The following ARL1 variants were observed in gnomAD, a reference collection of about 807,000 sequenced individuals.
The protein encoded by ARL1 is ADP-ribosylation factor-like protein 1.
In ARL1, 17 loss-of-function variants were observed where a neutral mutation model predicts 30.1. The ratio of observed to expected loss-of-function variants is 0.56; its 90% confidence interval spans 0.39 to 0.85. ARL1 has a LOEUF of 0.85. ARL1 is among the 40% of genes least tolerant of loss of function. The probability of loss-of-function intolerance (pLI) is 0.00; values close to 1 mark genes in which losing one functional copy is unlikely to be tolerated. For synonymous variants in ARL1, 58 were observed against 71.7 expected, an observed-to-expected ratio of 0.81 and a Z score of 0.97; for missense variants, 102 against 212.6, an observed-to-expected ratio of 0.48 and a Z score of 3.24.
intron 5 of ARL1, 87 bp downstream of exon 5, chr12:101,396,312 T>C (rs1363611379): frequency 6.5e-7 from 1 of 1,546,296 alleles, no homozygotes; most frequent in East Asian, 2.2e-5. Flanking sequence ...AGTTTCATCC[T>C]CAACACGGGA....
chr12:101,399,105 A>G (rs1871231107), intron 4 of ARL1, among the ~76,000 whole-genome samples: 1 of 152,138 alleles, frequency 6.6e-6, no homozygotes, highest in Non-Finnish European at 1.5e-5. Context: ...TAATAAATAT[A>G]ATGCTATGAT....
chr12:101,401,083 T>A lies in ARL1; in HGVS notation c.315A>T (p.Ser105=), dbSNP rs776729459. 6.2e-7 allele frequency: 1 copy of A among 1,613,592 alleles called. No individual in the cohort carries two copies. The highest frequency in any genetic ancestry group is 1.3e-5 in the African/African-American group (1 of 74,944). Residue 105 remains serine (S), a synonymous_variant, in exon 4 of 6, where the codon TCA becomes TCT. Transcript: ENST00000261636. ...CDRDRIGISK[S]ELVAMLEEEE... is the part of the protein sequence containing the mutation. ...TTACCTCCAACATGGCAACTAACTCTGATTTGGAAATGCCAATTCGGTCTC... is the reference window on the plus strand; with the variant it reads ...TTACCTCCAACATGGCAACTAACTCAGATTTGGAAATGCCAATTCGGTCTC...
intron 5 of ARL1, 63 bp downstream of exon 5, chr12:101,396,336 T>A (rs1228623109): frequency 4.4e-6 from 7 of 1,593,756 alleles, no homozygotes; most frequent in Non-Finnish European, 6.0e-6. Context: ...AAATTACACG[T>A]GGACGTGCAT....
At chr12:101,395,958 G>A (rs149519468) in intron 5 of ARL1, among the ~76,000 whole-genome samples, 213 of 152,284 alleles carry the variant, frequency 1.4e-3, no homozygotes, top group African/African-American at 4.9e-3. Flanking sequence ...TCCTCAAGGA[G>A]GTGATTATCT....
rs1456867118 is a variant in ARL1 at position 101,393,824 on chromosome 12, A to C, written c.*1816T>G. ...CAAGCTTTATAAGCCTCAGGCTGTA[A>C]GTGAACTTGCTTTCTGCATTTTCCA... On this transcript the variant is annotated 3_prime_UTR_variant, in exon 6 of 6. Transcript: ENST00000261636. 6.6e-6 allele frequency: 1 copy of C among 152,176 alleles called. No homozygotes were observed. Among genetic ancestry groups the C allele is most frequent in the Non-Finnish European group, 1.5e-5 (1 of 68,032 alleles). 9.4% of individuals were successfully genotyped at this position (152,176 alleles called of 1,614,324 possible). A position where few individuals can be genotyped will look rare whatever the true frequency, so the allele number is the denominator to read the frequency against.
Position 101,393,921 on chromosome 12 carries a change from C to A in ARL1, c.*1719G>T, listed in dbSNP as rs1320229423. 6.6e-6 allele frequency: 1 copy of A among 151,706 alleles called. No homozygotes were observed. The highest frequency in any genetic ancestry group is 1.5e-5 in the Non-Finnish European group (1 of 68,000). The allele number at this position is 151,706 out of a possible 1,614,324, so 9.4% of individuals were successfully genotyped here. A position where few individuals can be genotyped will look rare whatever the true frequency, so the allele number is the denominator to read the frequency against. The stretch of plus-strand genomic sequence containing the variant: ...GGCTACTTGTCAAGATGACAAATAT[C>A]TATCCTACTGTTTCAACTATGAACA... On this transcript the variant is annotated 3_prime_UTR_variant, in exon 6 of 6. Coordinates refer to ENST00000261636, the MANE Select transcript of ARL1 (RefSeq NM_001177.6).
chr12:101,395,463 TC>T lies in ARL1; in HGVS notation c.*176del. On this transcript the variant is annotated 3_prime_UTR_variant, in exon 6 of 6. Transcript: ENST00000261636. The stretch of plus-strand genomic sequence containing the variant: ...TACATAGAACATTCAGGTGATTCGA[TC>T]AAATTATCCCTCCAACTAAATACTT... 1 of 563,658 alleles carries T rather than the reference TC, an allele frequency of 1.8e-6. No homozygotes were observed. The highest frequency in any genetic ancestry group is 3.2e-6 in the Non-Finnish European group (1 of 317,030). The allele number at this position is 563,658 out of a possible 1,614,324, so 34.9% of individuals were successfully genotyped here. A position where few individuals can be genotyped will look rare whatever the true frequency, so the allele number is the denominator to read the frequency against.
chr12:101,399,318 C>G (rs998218096), intron 4 of ARL1, among the ~76,000 whole-genome samples: 1 of 151,940 alleles, frequency 6.6e-6, no homozygotes, highest in South Asian at 2.1e-4. Flanking sequence ...TCGAGACCAG[C>G]CTGGCCAACA....
Position 101,395,680 on chromosome 12 carries a change from G to A in ARL1, c.516-10C>T, listed in dbSNP as rs769377805. ...TAATGTTTCAACTAACCTGTAAAGA[G>A]AAAATGAACTGTTTTATAAAATTAA... On this transcript the variant is annotated splice_polypyrimidine_tract_variant and intron_variant, in intron 5 of 5. Coordinates refer to ENST00000261636, the MANE Select transcript of ARL1 (RefSeq NM_001177.6). The A allele has an allele frequency of 1.3e-6, 2 of 1,540,648 alleles. No individual in the cohort carries two copies. Among genetic ancestry groups the A allele is most frequent in the South Asian group, 2.4e-5 (2 of 84,314 alleles).
intron 2 of ARL1, 129 bp from the exon 3 acceptor site, chr12:101,403,075 TG>T (rs1283428630): frequency 6.0e-6 from 3 of 502,808 alleles, no homozygotes; most frequent in Non-Finnish European, 1.0e-5. Context: ...ATATATAATT[TG>T]TCTTAGGATT....
intron 5 of ARL1, 132 bp from the exon 6 acceptor site, chr12:101,395,802 T>G: frequency 1.6e-6 from 1 of 626,300 alleles, no homozygotes; most frequent in Admixed American, 2.8e-5. Flanking sequence ...GATGAGGTTA[T>G]GCACTAGATA....
chr12:101,407,721 C>T lies in ARL1; in HGVS notation c.-76G>A. On this transcript the variant is annotated 5_prime_UTR_variant, in exon 1 of 6. Coordinates refer to ENST00000261636, the MANE Select transcript of ARL1 (RefSeq NM_001177.6). Reference sequence around the variant, plus strand: ...GGCTGCAGCTCCGAGGCGGTTTCCTCGCAAGCCCAGTCAGCCAGCAACTTC... The same window carrying T: ...GGCTGCAGCTCCGAGGCGGTTTCCTTGCAAGCCCAGTCAGCCAGCAACTTC... 6.2e-7 allele frequency: 1 copy of T among 1,605,136 alleles called. No individual in the cohort carries two copies. Among genetic ancestry groups the T allele is most frequent in the Non-Finnish European group, 8.5e-7 (1 of 1,175,974 alleles).
chr12:101,399,510 A>AT (rs1871245883), intron 4 of ARL1, among the ~76,000 whole-genome samples: 30 of 17,036 alleles, frequency 1.8e-3, no homozygotes, highest in South Asian at 8.2e-3. Context: ...GACTCTGTCT[A>AT]AAAAAAAAAA....
intron 4 of ARL1, among the ~76,000 whole-genome samples, chr12:101,398,660 ACTCCTG>A: frequency 1.3e-5 from 2 of 149,876 alleles, no homozygotes; most frequent in African/African-American, 4.9e-5. Flanking sequence ...CTGGTCTCAA[ACTCCTG>A]ACCTGAAGTG....
chr12:101,396,570 T>A lies in ARL1; in HGVS notation c.344A>T (p.Glu115Val). 1 of 1,608,810 alleles carries A rather than the reference T, an allele frequency of 6.2e-7. No individual in the cohort carries two copies. The part of the protein sequence containing the change: ...SELVAMLEEE[E>V]LRKAILVVFA... The stretch of plus-strand genomic sequence containing the variant: ...CACCACTAAAATGGCTTTTCTCAGC[T>A]CTTCTTCCTAAATGAAATTGAAAAT... The change falls in exon 5 of 6, where the codon GAG (glutamate) becomes GTG (valine). Residue 115 changes from glutamate (E) to valine (V), a missense_variant. Physicochemically the swap from Glu to Val is moderately radical, Grantham distance 121. Transcript: ENST00000261636.
chr12:101,406,030 A>G (rs1871432180), intron 1 of ARL1, 49 bp from the exon 2 acceptor site: 2 of 1,436,162 alleles, frequency 1.4e-6, no homozygotes. Context: ...TTTGTGAACT[A>G]GGTATACAAA....
intron 5 of ARL1, 27 bp downstream of exon 5, chr12:101,396,372 G>C (rs898758644): frequency 1.2e-6 from 2 of 1,613,892 alleles, no homozygotes; most frequent in Non-Finnish European, 1.7e-6. Context: ...CAAATGCACA[G>C]ATGGCTTCTG....
intron 2 of ARL1, 45 bp downstream of exon 2, chr12:101,405,799 G>A: frequency 6.7e-7 from 1 of 1,497,544 alleles, no homozygotes; most frequent in Non-Finnish European, 8.9e-7. Context: ...ATGTTGGATG[G>A]AGACCAGAAA....
At chr12:101,404,462 G>A (rs1037477696) in intron 2 of ARL1, among the ~76,000 whole-genome samples, 4 of 152,214 alleles carry the variant, frequency 2.6e-5, no homozygotes, top group African/African-American at 9.6e-5. Flanking sequence ...TGCACTGCAG[G>A]AGATGCCCAG....
Sources: allele counts gnomAD v4.1 joint callset (sites outside exome capture counted in the v4.1 genomes callset), GRCh38; gene constraint gnomAD v4.1.1; transcripts MANE v1.5; gene names NCBI Gene and HGNC (gene_info 2026-07-23, HGNC 2026-07-21).